Variants in GPC6 observed in about 807,000 individuals in gnomAD.
GPC6 encodes the protein glypican-6.
GPC6 carries 14 observed loss-of-function variants against 55.2 expected under a neutral mutation model. The ratio of observed to expected loss-of-function variants is 0.25; its 90% CI spans 0.17 to 0.40. GPC6 has a LOEUF of 0.40. Ranked by LOEUF, GPC6 falls within the 10% of genes least tolerant of loss-of-function variation. The pLI is 1.00. For missense variants in GPC6, 641 were observed against 708.5 expected, an observed-to-expected ratio of 0.90 and a Z score of 1.08; for synonymous variants, 278 against 259.6, an observed-to-expected ratio of 1.07 and a Z score of -0.68.
intron 3 of GPC6, among the ~76,000 whole-genome samples, chr13:93,919,008 T>C (rs190184115): frequency 6.6e-6 from 1 of 152,296 alleles, no homozygotes; most frequent in Non-Finnish European, 1.5e-5. Context: ...GATTGGATCA[T>C]GGGACAGATC....
At chr13:94,037,697 T>G (rs1883387258) in intron 4 of GPC6, among the ~76,000 whole-genome samples, 1 of 151,956 alleles carries the variant, frequency 6.6e-6, no homozygotes, top group African/African-American at 2.4e-5. Flanking sequence ...GTTCCAGGTT[T>G]TGGCTTCAGT....
At chr13:93,223,896 C>CTTT (rs10592858), upstream of GPC6, among the ~76,000 whole-genome samples, 34 of 83,546 alleles carry the variant, frequency 4.1e-4, no homozygotes, top group African/African-American at 1.2e-3. Flanking sequence ...TATTTGTTTG[C>CTTT]TTTTTTTTTT....
rs540935139 is a variant in GPC6 at position 93,740,698 on chromosome 13, A to G, written c.320-89456A>G. Among the ~76,000 whole-genome samples, 8 of 152,318 alleles carry G rather than the reference A, an allele frequency of 5.3e-5. No individual in the cohort carries two copies. The South Asian group carries it at 1.7e-3, about 32-fold the overall frequency. On this transcript the variant is annotated intron_variant, in intron 2 of 8. Transcript: ENST00000377047. ...GTGGCAGTTCAGCTTGTGGCAGTTCAGCTTGCAAGATACATTAGATGAATT... is the reference window on the plus strand; with the variant it reads ...GTGGCAGTTCAGCTTGTGGCAGTTCGGCTTGCAAGATACATTAGATGAATT...
chr13:94,007,066 C>T (rs1594661126), intron 3 of GPC6, among the ~76,000 whole-genome samples: 1 of 152,152 alleles, frequency 6.6e-6, no homozygotes, highest in Non-Finnish European at 1.5e-5. Flanking sequence ...AGCAATAGAC[C>T]TCAAATATTA....
At chr13:93,298,117 C>T (rs938158114) in intron 1 of GPC6, among the ~76,000 whole-genome samples, 1 of 152,166 alleles carries the variant, frequency 6.6e-6, no homozygotes, top group Admixed American at 6.5e-5. Flanking sequence ...TCAGTCACTT[C>T]CCATAAGGTG....
At chr13:93,911,630 G>A (rs555958369) in intron 3 of GPC6, among the ~76,000 whole-genome samples, 1 of 152,268 alleles carries the variant, frequency 6.6e-6, no homozygotes, top group Non-Finnish European at 1.5e-5. Flanking sequence ...GGGCAGACAT[G>A]GGCTTAGTTA....
rs534682499 is a variant in GPC6, at chr13:94,336,619, G to C, written c.1152+30496G>C. ...GAACCTTTCTGAATTATGAACGAAG[G>C]GTTGGTGCTCAATATAGTGACCTTC... On this transcript the variant is annotated intron_variant, in intron 6 of 8. Coordinates refer to ENST00000377047, the MANE Select transcript of GPC6 (RefSeq NM_005708.5). 5.4e-4 allele frequency among the ~76,000 whole-genome samples: 82 copies of C among 152,142 alleles called. 1 individual carries two copies. The highest frequency in any genetic ancestry group is 2.0e-3 in the African/African-American group (81 of 41,516).
At chr13:93,524,298 A>G (rs1215389848) in intron 1 of GPC6, among the ~76,000 whole-genome samples, 1 of 152,012 alleles carries the variant, frequency 6.6e-6, no homozygotes. Flanking sequence ...AATCAAAGAC[A>G]AACAGGAGTA....
chr13:93,556,158 T>C (rs982443211), intron 2 of GPC6, among the ~76,000 whole-genome samples: 8 of 152,100 alleles, frequency 5.3e-5, no homozygotes. Context: ...TTTGCAGATG[T>C]ATACTGTGGA....
intron 4 of GPC6, among the ~76,000 whole-genome samples, chr13:94,141,990 T>C (rs1156887136): frequency 1.3e-5 from 2 of 152,120 alleles, no homozygotes; most frequent in African/African-American, 4.8e-5. Context: ...CTGACCTTTT[T>C]TTTTTCCGTG....
rs149623009 is a variant in GPC6 at position 93,898,089 on chromosome 13, C to T, written c.711+67544C>T. On this transcript the variant is annotated intron_variant, in intron 3 of 8. Transcript: ENST00000377047. ...TAAAACATACAGTTGAGCCATCAGACTGTCTTTCTTGACCTCTACAATTGA... is the reference window on the plus strand; with the variant it reads ...TAAAACATACAGTTGAGCCATCAGATTGTCTTTCTTGACCTCTACAATTGA... Among the ~76,000 whole-genome samples the T allele has an allele frequency of 3.9e-3, 588 of 152,226 alleles. 3 individuals carry two copies. Among genetic ancestry groups the T allele is most frequent in the South Asian group, 0.018 (88 of 4,822 alleles).
chr13:93,521,472 C>T (rs1049599415), intron 1 of GPC6, among the ~76,000 whole-genome samples: 1 of 151,948 alleles, frequency 6.6e-6, no homozygotes, highest in African/African-American at 2.4e-5. Context: ...TGCTTCAGAA[C>T]TTACTTGTCT....
At chr13:93,691,042 T>C (rs529389359) in intron 2 of GPC6, among the ~76,000 whole-genome samples, 7 of 152,268 alleles carry the variant, frequency 4.6e-5, no homozygotes, top group South Asian at 2.1e-4. Flanking sequence ...GCTTCAGCTT[T>C]ACTGTCCAGA....
chr13:93,312,852 T>A (rs1187881434), intron 1 of GPC6, among the ~76,000 whole-genome samples: 3 of 152,298 alleles, frequency 2.0e-5, no homozygotes, highest in African/African-American at 7.2e-5. Flanking sequence ...TACCAGTAGA[T>A]GGTTTAATTT....
chr13:94,232,788 G>A (rs531784906), intron 4 of GPC6, among the ~76,000 whole-genome samples: 8 of 152,114 alleles, frequency 5.3e-5, no homozygotes, highest in African/African-American at 1.9e-4. Flanking sequence ...GTTTTTATGT[G>A]TCTCGGATAC....
chr13:93,854,902 T>TTTAG (rs1555337116), intron 3 of GPC6, among the ~76,000 whole-genome samples: 1 of 150,728 alleles, frequency 6.6e-6, no homozygotes, highest in African/African-American at 2.4e-5. Flanking sequence ...CACAGCAAAA[T>TTTAG]TGGAAGGTAC....
At chr13:93,347,219 C>A (rs948762641) in intron 1 of GPC6, among the ~76,000 whole-genome samples, 4 of 152,052 alleles carry the variant, frequency 2.6e-5, no homozygotes, top group Non-Finnish European at 5.9e-5. Context: ...TATGAAATGA[C>A]CTTACATTGC....
At chr13:93,680,786 G>C (rs1881819655) in intron 2 of GPC6, among the ~76,000 whole-genome samples, 1 of 152,102 alleles carries the variant, frequency 6.6e-6, no homozygotes, top group Non-Finnish European at 1.5e-5. Flanking sequence ...AGAACTGGGG[G>C]TATCAATATC....
Position 93,726,777 on chromosome 13 carries a change from A to G in GPC6, c.320-103377A>G, listed in dbSNP as rs560764025. ...TCCATCTTCCCATTCATCAAGAGTC[A>G]CATTCTTCCAATACAAGGACAACTA... On this transcript the variant is annotated intron_variant, in intron 2 of 8. Transcript: ENST00000377047. 7.9e-5 allele frequency among the ~76,000 whole-genome samples: 12 copies of G among 152,184 alleles called. No homozygotes were observed. In the East Asian group the frequency reaches 1.6e-3, roughly 20 times the overall value.
Sources: gnomAD v4.1 joint callset for allele counts (sites outside exome capture counted in the v4.1 genomes callset) on GRCh38, gnomAD v4.1.1 for gene constraint, MANE v1.5 for transcripts, NCBI Gene and HGNC (gene_info 2026-07-23, HGNC 2026-07-21) for gene names.